The following KCNN2 variants were observed in gnomAD, a reference collection of about 807,000 sequenced individuals.
The protein encoded by KCNN2 is small conductance calcium-activated potassium channel protein 2.
KCNN2 carries 24 observed loss-of-function variants against 55.5 expected under a neutral mutation model. The ratio of observed to expected loss-of-function variants is 0.43; its 90% CI spans 0.31 to 0.61. The LOEUF is 0.61. Among genes scored for constraint, KCNN2 ranks in the 20% least tolerant of loss-of-function variants. The pLI, the probability that KCNN2 is intolerant of heterozygous loss-of-function variation, is 0.08. For missense variants in KCNN2, 754 were observed against 853.6 expected, an observed-to-expected ratio of 0.88 and a Z score of 1.45; for synonymous variants, 431 against 336.1, an observed-to-expected ratio of 1.28 and a Z score of -3.09.
chr5:114,357,339 T>C (rs978078207), upstream of KCNN2, among the ~76,000 whole-genome samples: 54 of 150,510 alleles, frequency 3.6e-4, no homozygotes, highest in African/African-American at 1.3e-3. Context: ...AGGGTACATG[T>C]GCACATTGTG....
intron 2 of KCNN2, among the ~76,000 whole-genome samples, chr5:114,309,667 T>C (rs1756359104): frequency 1.3e-5 from 2 of 152,094 alleles, no homozygotes; most frequent in Non-Finnish European, 2.9e-5. Flanking sequence ...CCAGGCTAGG[T>C]GCTAACAGGG....
At chr5:114,109,025 T>C (rs1751542754) in intron 1 of KCNN2, among the ~76,000 whole-genome samples, 1 of 152,000 alleles carries the variant, frequency 6.6e-6, no homozygotes, top group Admixed American at 6.6e-5. Flanking sequence ...TCTCACCAAT[T>C]TGGTGTTGTG....
chr5:114,432,696 G>A (rs776415256), intron 3 of KCNN2, among the ~76,000 whole-genome samples: 10 of 152,316 alleles, frequency 6.6e-5, no homozygotes, highest in Non-Finnish European at 1.0e-4. Flanking sequence ...AGGCGCGAGC[G>A]GGAACCGGGG....
chr5:114,371,047 A>T (rs1757748892), intron 2 of KCNN2, among the ~76,000 whole-genome samples: 1 of 152,132 alleles, frequency 6.6e-6, no homozygotes. Flanking sequence ...GGCTGATTGG[A>T]GGTAGAACAG....
intron 2 of KCNN2, among the ~76,000 whole-genome samples, chr5:114,273,175 C>T (rs1755402368): frequency 6.6e-6 from 1 of 152,148 alleles, no homozygotes; most frequent in Admixed American, 6.6e-5. Context: ...TGATTTCCAG[C>T]TTCATCCATG....
chr5:114,160,512 T>C (rs1484543573), intron 1 of KCNN2, among the ~76,000 whole-genome samples: 1 of 152,182 alleles, frequency 6.6e-6, no homozygotes, highest in Non-Finnish European at 1.5e-5. Flanking sequence ...TGTAGATGTC[T>C]ATTAGGTCCA....
In KCNN2 at chr5:114,078,190, A is replaced by T. The variant is rs188447942; in HGVS notation, c.-271+21690A>T. On this transcript the variant is annotated intron_variant, in intron 1 of 10. Transcript: ENST00000512097. Reference sequence around the variant, plus strand: ...TAAAATGGATTTAAAAATAATGAAAAGTACCTCGAGGGTGTCGTTTTAATT... The same window carrying T: ...TAAAATGGATTTAAAAATAATGAAATGTACCTCGAGGGTGTCGTTTTAATT... 8.3e-4 allele frequency among the ~76,000 whole-genome samples: 127 copies of T among 152,346 alleles called. 1 individual carries two copies. Among genetic ancestry groups the T allele is most frequent in the African/African-American group, 3.0e-3 (124 of 41,574 alleles).
Position 114,279,504 on chromosome 5 carries a change from A to G in KCNN2, c.-185+57939A>G, listed in dbSNP as rs142329412. ...TGTGGTGTTCCCCACCGTGTTTCCA[A>G]GTGTTCTTATTGTTCAGTTCCCACC... On this transcript the variant is annotated intron_variant, in intron 2 of 10. Transcript: ENST00000512097. Among the ~76,000 whole-genome samples, 249 of 151,926 alleles carry G rather than the reference A, an allele frequency of 1.6e-3. 7 individuals are homozygous for G. In the East Asian group the frequency reaches 0.033, roughly 20 times the overall value.
At chr5:114,343,754 C>G (rs991802890) in intron 2 of KCNN2, among the ~76,000 whole-genome samples, 1 of 152,016 alleles carries the variant, frequency 6.6e-6, no homozygotes, top group Non-Finnish European at 1.5e-5. Context: ...ATGAGTGGTA[C>G]AATCCTAAAG....
chr5:114,302,542 C>T (rs1265124858), intron 2 of KCNN2, among the ~76,000 whole-genome samples: 2 of 151,940 alleles, frequency 1.3e-5, no homozygotes, highest in East Asian at 3.9e-4. Flanking sequence ...AGAAAAATGA[C>T]AATGGGTGGT....
At chr5:114,240,841 T>G (rs1254838468) in intron 2 of KCNN2, among the ~76,000 whole-genome samples, 1 of 152,176 alleles carries the variant, frequency 6.6e-6, no homozygotes. Context: ...AAAAATATTT[T>G]TATAGATCTT....
intron 2 of KCNN2, among the ~76,000 whole-genome samples, chr5:114,317,344 T>C (rs754715944): frequency 2.6e-5 from 4 of 152,176 alleles, no homozygotes; most frequent in Non-Finnish European, 4.4e-5. Context: ...TGGCTTGCCT[T>C]TTCTAATTCA....
At chr5:114,069,128 T>C (rs1042089416) in intron 1 of KCNN2, among the ~76,000 whole-genome samples, 68 of 152,314 alleles carry the variant, frequency 4.5e-4, no homozygotes, top group African/African-American at 1.6e-3. Flanking sequence ...TGCTTGCTTT[T>C]CTTCTTCCAA....
intron 1 of KCNN2, among the ~76,000 whole-genome samples, chr5:114,183,794 TA>T (rs1451605290): frequency 6.6e-6 from 1 of 151,972 alleles, no homozygotes; most frequent in Non-Finnish European, 1.5e-5. Flanking sequence ...TCTTTTCCAA[TA>T]ACCAACCTTT....
chr5:114,187,684 T>G (rs1366875401), intron 1 of KCNN2, among the ~76,000 whole-genome samples: 2 of 151,450 alleles, frequency 1.3e-5, no homozygotes, highest in African/African-American at 4.9e-5. Flanking sequence ...TTTTTTATAT[T>G]TTTAGGGGAG....
At chr5:114,168,826 C>T (rs1049559005) in intron 1 of KCNN2, among the ~76,000 whole-genome samples, 4 of 152,126 alleles carry the variant, frequency 2.6e-5, no homozygotes, top group African/African-American at 9.7e-5. Flanking sequence ...TATCTCTCCT[C>T]ATTCACAAAA....
intron 1 of KCNN2, among the ~76,000 whole-genome samples, chr5:114,138,357 A>G (rs1379171731): frequency 2.0e-5 from 3 of 152,278 alleles, no homozygotes; most frequent in Admixed American, 6.5e-5. Flanking sequence ...TCGTATCTCC[A>G]GCATTTAGCC....
At chr5:114,188,517 A>T (rs531805958) in intron 1 of KCNN2, among the ~76,000 whole-genome samples, 4 of 152,312 alleles carry the variant, frequency 2.6e-5, no homozygotes, top group African/African-American at 9.6e-5. Context: ...GATATTTTTT[A>T]AAAAGAGGCA....
At chr5:114,076,653 C>T (rs1202392526) in intron 1 of KCNN2, among the ~76,000 whole-genome samples, 1 of 152,072 alleles carries the variant, frequency 6.6e-6, no homozygotes, top group Non-Finnish European at 1.5e-5. Context: ...TAAGATTTTC[C>T]AAAAGAAGAA....
Sources: allele counts gnomAD v4.1 joint callset (sites outside exome capture counted in the v4.1 genomes callset), GRCh38; gene constraint gnomAD v4.1.1; transcripts MANE v1.5; gene names NCBI Gene and HGNC (gene_info 2026-07-23, HGNC 2026-07-21).